The following RBMS1 variants were observed in gnomAD, a reference collection of about 807,000 sequenced individuals.
RBMS1 encodes the protein RNA binding motif single stranded interacting protein 1.
In RBMS1, 17 loss-of-function variants were observed where a neutral mutation model predicts 62.3. That is an observed-to-expected ratio of 0.27 (90% CI 0.19 to 0.41). The LOEUF is 0.41. Ranked by LOEUF, RBMS1 falls within the 10% of genes least tolerant of loss-of-function variation. The pLI is 1.00. For synonymous variants in RBMS1, 172 were observed against 170.0 expected, an observed-to-expected ratio of 1.01 and a Z score of -0.09; for missense variants, 334 against 504.5, an observed-to-expected ratio of 0.66 and a Z score of 3.24.
chr2:160,294,036 T>C lies in RBMS1; in HGVS notation c.640+6615A>G, dbSNP rs148631969. On this transcript the variant is annotated intron_variant, in intron 6 of 13. Coordinates refer to ENST00000348849, the MANE Select transcript of RBMS1 (RefSeq NM_016836.4). ...GTGGAAAAACTCGATGGAATTCACC[T>C]AGCTGTGTCATGAAGAAGCCATGGG... Among the ~76,000 whole-genome samples, 828 of 152,318 alleles carry C rather than the reference T, an allele frequency of 5.4e-3. 11 individuals are homozygous for C. The highest frequency in any genetic ancestry group is 0.019 in the African/African-American group (780 of 41,578).
intron 1 of RBMS1, among the ~76,000 whole-genome samples, chr2:160,422,419 AC>A (rs1337884368): frequency 2.6e-5 from 4 of 152,206 alleles, no homozygotes; most frequent in Admixed American, 2.6e-4. Flanking sequence ...ACTCTTGTTC[AC>A]AAAAATTATA....
At chr2:160,281,622 AGGCGAAACAGACTG>A in intron 9 of RBMS1, 1 of 342,570 alleles carries the variant, frequency 2.9e-6, no homozygotes, top group South Asian at 5.2e-5. Context: ...AAAGAGAAAA[AGGCGAAACAGACTG>A]GGCCCCACCC....
intron 1 of RBMS1, among the ~76,000 whole-genome samples, chr2:160,401,161 T>C (rs903558755): frequency 6.6e-6 from 1 of 152,170 alleles, no homozygotes; most frequent in African/African-American, 2.4e-5. Context: ...TTCCTTCCAG[T>C]TTTTAAAAAT....
At chr2:160,306,806 A>G (rs1278926455) in intron 4 of RBMS1, among the ~76,000 whole-genome samples, 1 of 151,972 alleles carries the variant, frequency 6.6e-6, no homozygotes, top group Non-Finnish European at 1.5e-5. Flanking sequence ...TGTGAACAAG[A>G]CATATAATGC....
At chr2:160,308,699 C>T (rs765652660) in intron 4 of RBMS1, among the ~76,000 whole-genome samples, 13 of 152,294 alleles carry the variant, frequency 8.5e-5, no homozygotes, top group Non-Finnish European at 1.6e-4. Flanking sequence ...TACTGGTCCT[C>T]GCCACAGATG....
intron 1 of RBMS1, among the ~76,000 whole-genome samples, chr2:160,488,494 T>G (rs1217360700): frequency 2.0e-5 from 3 of 152,142 alleles, no homozygotes; most frequent in Admixed American, 2.0e-4. Flanking sequence ...GAGAATTGCT[T>G]GAACCTGGGA....
intron 1 of RBMS1, among the ~76,000 whole-genome samples, chr2:160,428,368 G>A (rs927358102): frequency 5.9e-5 from 9 of 152,144 alleles, no homozygotes; most frequent in African/African-American, 2.2e-4. Flanking sequence ...GTATTGGAAA[G>A]AAACAAAGTC....
intron 1 of RBMS1, chr2:160,408,011 C>G: frequency 1.3e-6 from 1 of 776,238 alleles, no homozygotes; most frequent in Non-Finnish European, 1.6e-6. Context: ...CCTGCCGCCC[C>G]ATCGCCCGCC....
At chr2:160,406,981 C>A (rs541943554) in intron 1 of RBMS1, among the ~76,000 whole-genome samples, 4 of 151,148 alleles carry the variant, frequency 2.6e-5, no homozygotes, top group Non-Finnish European at 5.9e-5. Flanking sequence ...CTTTTTTTTT[C>A]TTTAAATGAG....
intron 1 of RBMS1, among the ~76,000 whole-genome samples, chr2:160,410,450 C>G (rs532958886): frequency 4.0e-4 from 61 of 151,992 alleles, no homozygotes; most frequent in African/African-American, 1.4e-3. Flanking sequence ...ATTGTCTACC[C>G]TCAACAAAAT....
chr2:160,444,143 T>C (rs1407103074), intron 1 of RBMS1, among the ~76,000 whole-genome samples: 2 of 152,226 alleles, frequency 1.3e-5, no homozygotes, highest in Admixed American at 1.3e-4. Context: ...AAAACCAGTG[T>C]GTGTGTGTGC....
chr2:160,323,046 G>T (rs1295057924), intron 2 of RBMS1, among the ~76,000 whole-genome samples: 1 of 152,156 alleles, frequency 6.6e-6, no homozygotes, highest in East Asian at 1.9e-4. Context: ...AGCTGTTATA[G>T]ACAGTTAACA....
At chr2:160,341,092 G>A (rs975663522) in intron 2 of RBMS1, among the ~76,000 whole-genome samples, 2 of 152,112 alleles carry the variant, frequency 1.3e-5, no homozygotes, top group Non-Finnish European at 2.9e-5. Context: ...ATATGTTTGA[G>A]TGGGTGGAGG....
At chr2:160,429,083 C>T (rs951508400) in intron 1 of RBMS1, among the ~76,000 whole-genome samples, 4 of 152,190 alleles carry the variant, frequency 2.6e-5, no homozygotes, top group Non-Finnish European at 2.9e-5. Context: ...AATAATTCTT[C>T]AGGCAAAAAT....
chr2:160,349,553 AAG>A (rs372260654), intron 2 of RBMS1, among the ~76,000 whole-genome samples: 2,485 of 142,304 alleles, frequency 0.017, 33 homozygotes, highest in Non-Finnish European at 0.022. Context: ...CAGAGACAGA[AAG>A]AGAGAGAGAG....
intron 2 of RBMS1, among the ~76,000 whole-genome samples, chr2:160,354,465 C>A (rs1692686426): frequency 6.6e-6 from 1 of 152,064 alleles, no homozygotes; most frequent in South Asian, 2.1e-4. Flanking sequence ...AACAATTCCA[C>A]AATTTATGGC....
intron 6 of RBMS1, among the ~76,000 whole-genome samples, chr2:160,297,381 C>A (rs1233272621): frequency 6.6e-6 from 1 of 152,170 alleles, no homozygotes; most frequent in Non-Finnish European, 1.5e-5. Flanking sequence ...AATTTCCCCC[C>A]ACATGGTAGC....
intron 7 of RBMS1, among the ~76,000 whole-genome samples, chr2:160,286,247 C>G (rs1688383196): frequency 6.9e-6 from 1 of 145,646 alleles, no homozygotes; most frequent in Non-Finnish European, 1.5e-5. Context: ...TTGTGGTAGG[C>G]TATAACCACA....
chr2:160,405,759 C>A (rs1695671679), intron 1 of RBMS1, among the ~76,000 whole-genome samples: 2 of 152,310 alleles, frequency 1.3e-5, no homozygotes, highest in East Asian at 1.9e-4. Flanking sequence ...CCCCTTCACA[C>A]ACAAAACCTC....
Sources: allele counts gnomAD v4.1 joint callset (sites outside exome capture counted in the v4.1 genomes callset), GRCh38; gene constraint gnomAD v4.1.1; transcripts MANE v1.5; gene names NCBI Gene and HGNC (gene_info 2026-07-23, HGNC 2026-07-21).